The following STX8 variants were observed in gnomAD, a reference collection of about 807,000 sequenced individuals.
The protein encoded by STX8 is syntaxin-8.
A neutral mutation model predicts 37.5 loss-of-function variants in STX8; 23 were observed. The ratio of observed to expected loss-of-function variants is 0.61; its 90% confidence interval spans 0.44 to 0.87. The LOEUF (loss-of-function observed/expected upper bound fraction) is 0.87, where lower values mean the gene tolerates loss of function less well. Ranked by LOEUF, STX8 falls within the 40% of genes least tolerant of loss-of-function variation. The pLI, the probability that STX8 is intolerant of heterozygous loss-of-function variation, is 0.00. For missense variants in STX8, 313 were observed against 284.7 expected (o/e 1.10, Z -0.71); for synonymous variants, 115 against 99.1 (o/e 1.16, Z -0.95).
At chr17:9,362,432 C>G in intron 7 of STX8, among the ~76,000 whole-genome samples, 2 of 152,258 alleles carry the variant, frequency 1.3e-5, no homozygotes, top group South Asian at 4.1e-4. Context: ...ACACAGAACC[C>G]AGAAGTAAAG....
intron 7 of STX8, among the ~76,000 whole-genome samples, chr17:9,311,883 T>C (rs1315618919): frequency 6.6e-6 from 1 of 152,200 alleles, no homozygotes; most frequent in Non-Finnish European, 1.5e-5. Context: ...AGTCTTGCTC[T>C]GTTGCCCAGG....
chr17:9,574,347 T>C (rs1907807657), intron 1 of STX8, among the ~76,000 whole-genome samples: 1 of 9,264 alleles, frequency 1.1e-4, no homozygotes, highest in Admixed American at 3.0e-3. Flanking sequence ...ATGCTGTTTA[T>C]ATTATATATA....
At chr17:9,258,005 A>C (rs1218484547) in intron 7 of STX8, among the ~76,000 whole-genome samples, 1 of 152,232 alleles carries the variant, frequency 6.6e-6, no homozygotes, top group African/African-American at 2.4e-5. Context: ...AAACAAAAAC[A>C]AAAAAAGCAT....
chr17:9,544,051 CT>C (rs897827838), intron 4 of STX8, among the ~76,000 whole-genome samples: 7 of 152,180 alleles, frequency 4.6e-5, no homozygotes, highest in African/African-American at 1.7e-4. Context: ...CAATCCCACT[CT>C]GGTTCACCTG....
chr17:9,510,936 A>C (rs1163218115), intron 4 of STX8, among the ~76,000 whole-genome samples: 2 of 152,136 alleles, frequency 1.3e-5, no homozygotes, highest in African/African-American at 4.8e-5. Flanking sequence ...ATGACAATGG[A>C]TGCCACAGAA....
intron 6 of STX8, among the ~76,000 whole-genome samples, chr17:9,417,151 G>T (rs1206924831): frequency 6.6e-6 from 1 of 152,118 alleles, no homozygotes; most frequent in African/African-American, 2.4e-5. Flanking sequence ...AAGCTGATTT[G>T]AGTAATCAAC....
intron 7 of STX8, among the ~76,000 whole-genome samples, chr17:9,298,818 CAAACAAAACA>C (rs538393281): frequency 1.2e-3 from 177 of 152,234 alleles, no homozygotes; most frequent in African/African-American, 3.8e-3. Flanking sequence ...GTCTCAAAAA[CAAACAAAACA>C]AAACAAAACA....
At chr17:9,503,641 G>A (rs1372911687) in intron 5 of STX8, among the ~76,000 whole-genome samples, 1 of 152,200 alleles carries the variant, frequency 6.6e-6, no homozygotes, top group Non-Finnish European at 1.5e-5. Flanking sequence ...CAAAGTGTCA[G>A]GAGTACAGGC....
chr17:9,262,056 C>T (rs1232348293), intron 7 of STX8, among the ~76,000 whole-genome samples: 1 of 152,168 alleles, frequency 6.6e-6, no homozygotes, highest in Non-Finnish European at 1.5e-5. Context: ...AGGGCGACAC[C>T]AGGGTATTAC....
intron 7 of STX8, among the ~76,000 whole-genome samples, chr17:9,330,380 A>G (rs2142216723): frequency 6.6e-6 from 1 of 152,268 alleles, no homozygotes; most frequent in Non-Finnish European, 1.5e-5. Context: ...GGATGGAATC[A>G]AGTTGGGAGT....
At chr17:9,545,650 G>A (rs558863966) in intron 3 of STX8, among the ~76,000 whole-genome samples, 1 of 152,272 alleles carries the variant, frequency 6.6e-6, no homozygotes, top group South Asian at 2.1e-4. Flanking sequence ...GCGCGATCTC[G>A]GCCCACTGCA....
chr17:9,370,224 A>C (rs186044339), intron 7 of STX8, among the ~76,000 whole-genome samples: 1 of 152,290 alleles, frequency 6.6e-6, no homozygotes, highest in Admixed American at 6.5e-5. Flanking sequence ...CAAAAAACAA[A>C]AATGAATTAA....
intron 6 of STX8, among the ~76,000 whole-genome samples, chr17:9,433,396 G>A (rs1354832533): frequency 6.6e-6 from 1 of 152,226 alleles, no homozygotes; most frequent in African/African-American, 2.4e-5. Flanking sequence ...GGTTTGGGAT[G>A]AAATCAAAGA....
chr17:9,482,871 G>A (rs369702315), intron 6 of STX8, among the ~76,000 whole-genome samples: 13 of 152,210 alleles, frequency 8.5e-5, no homozygotes, highest in East Asian at 3.9e-4. Context: ...CCGAGATCGC[G>A]CCACTGCACT....
chr17:9,432,342 A>G (rs560140274), intron 6 of STX8, among the ~76,000 whole-genome samples: 1 of 152,336 alleles, frequency 6.6e-6, no homozygotes, highest in African/African-American at 2.4e-5. Flanking sequence ...TCTCAGGTCA[A>G]TCTTAGCACA....
intron 6 of STX8, among the ~76,000 whole-genome samples, chr17:9,397,628 T>C (rs2142313224): frequency 6.6e-6 from 1 of 152,194 alleles, no homozygotes; most frequent in South Asian, 2.1e-4. Context: ...CAAAATTGTT[T>C]TGAATTATAA....
chr17:9,343,894 C>T (rs754457990), intron 7 of STX8, among the ~76,000 whole-genome samples: 15 of 152,040 alleles, frequency 9.9e-5, no homozygotes, highest in African/African-American at 2.7e-4. Flanking sequence ...AATAAAAGCC[C>T]GACCTAATTA....
At chr17:9,280,231 AG>A (rs1907834213) in intron 7 of STX8, among the ~76,000 whole-genome samples, 1 of 152,246 alleles carries the variant, frequency 6.6e-6, no homozygotes, top group African/African-American at 2.4e-5. Context: ...CTCAAAAAAA[AG>A]AAAAAAAGAA....
At chr17:9,476,467 T>A (rs1906108112) in intron 6 of STX8, among the ~76,000 whole-genome samples, 1 of 151,904 alleles carries the variant, frequency 6.6e-6, no homozygotes, top group Non-Finnish European at 1.5e-5. Flanking sequence ...TTTCTTTTTT[T>A]TTTGAGATAG....
Sources: allele counts gnomAD v4.1 joint callset (sites outside exome capture counted in the v4.1 genomes callset), GRCh38; gene constraint gnomAD v4.1.1; transcripts MANE v1.5; gene names NCBI Gene and HGNC (gene_info 2026-07-23, HGNC 2026-07-21).